The following ZHX3 variants were observed in gnomAD, a reference collection of about 807,000 sequenced individuals.
ZHX3 encodes the protein zinc fingers and homeoboxes protein 3.
A neutral mutation model predicts 64.5 loss-of-function variants in ZHX3; 20 were observed. That is an observed-to-expected ratio of 0.31 (90% CI 0.22 to 0.45). The LOEUF (loss-of-function observed/expected upper bound fraction) is 0.45. Ranked by LOEUF, ZHX3 falls within the 20% of genes least tolerant of loss-of-function variation. ZHX3 has a pLI of 1.00. For synonymous variants in ZHX3, 423 were observed against 461.6 expected (o/e 0.92, Z 1.07); for missense variants, 1,041 against 1,195.8 (o/e 0.87, Z 1.91).
intron 1 of ZHX3, among the ~76,000 whole-genome samples, chr20:41,306,688 C>G (rs575415418): frequency 6.6e-4 from 101 of 152,238 alleles, no homozygotes; most frequent in Non-Finnish European, 1.2e-3. Flanking sequence ...TATAGCATTG[C>G]CAAATATCTT....
intron 2 of ZHX3, among the ~76,000 whole-genome samples, chr20:41,207,316 G>A (rs1198723587): frequency 2.6e-5 from 4 of 151,958 alleles, no homozygotes; most frequent in Non-Finnish European, 5.9e-5. Context: ...AACCTTAAAT[G>A]TAAATGGGCT....
chr20:41,253,844 TC>T (rs2042106047), intron 2 of ZHX3, among the ~76,000 whole-genome samples: 1 of 152,054 alleles, frequency 6.6e-6, no homozygotes, highest in South Asian at 2.1e-4. Context: ...GAAAGCAAAA[TC>T]AGTAAAATAC....
At chr20:41,210,470 G>T (rs912173036) in intron 2 of ZHX3, among the ~76,000 whole-genome samples, 1 of 152,188 alleles carries the variant, frequency 6.6e-6, no homozygotes, top group African/African-American at 2.4e-5. Context: ...ATGATAGACT[G>T]GATTAAGAAA....
intron 1 of ZHX3, among the ~76,000 whole-genome samples, chr20:41,315,214 G>A (rs534379295): frequency 2.6e-5 from 4 of 152,150 alleles, no homozygotes; most frequent in African/African-American, 7.2e-5. Context: ...ACAGAGTCTC[G>A]CTCTGTCTCC....
intron 1 of ZHX3, among the ~76,000 whole-genome samples, chr20:41,294,992 C>A (rs912332902): frequency 1.3e-5 from 2 of 152,088 alleles, no homozygotes; most frequent in Non-Finnish European, 2.9e-5. Context: ...TGAGCCCCTG[C>A]GCCCAGCCCA....
rs577145447 is a variant in ZHX3 at position 41,224,184 on chromosome 20, A to G, written c.-150-19118T>C. 5.3e-5 allele frequency among the ~76,000 whole-genome samples: 8 copies of G among 152,356 alleles called. No homozygotes were observed. The highest frequency in any genetic ancestry group is 1.9e-4 in the African/African-American group (8 of 41,596). On this transcript the variant is annotated intron_variant, in intron 2 of 3. Coordinates refer to ENST00000683867, the MANE Select transcript of ZHX3 (RefSeq NM_001384317.1). The surrounding 1 kb of genome is among the most constrained non-coding windows in gnomAD (Gnocchi z 5.2). ...GCAGCAATCTGTTATCCAGTCTCCA[A>G]CTGAGTATCTCCCAAATGTGGGAGC... is the stretch of plus-strand genomic sequence containing the variant.
chr20:41,248,289 C>T (rs2041812932), intron 2 of ZHX3, among the ~76,000 whole-genome samples: 2 of 151,898 alleles, frequency 1.3e-5, no homozygotes, highest in African/African-American at 4.8e-5. Flanking sequence ...TGCACCTGTG[C>T]CTGTCATACA....
chr20:41,203,311 T>C lies in ZHX3; in HGVS notation c.1606A>G (p.Arg536Gly). ...TCACTGAACCATTTCCGCACCTCTC[T>C]GGTACTGAGGCCCGTCACTTTTGTG... is the stretch of plus-strand genomic sequence containing the variant. ...HLTKVTGLST[R>G]EVRKWFSDRR... Residue 536 changes from arginine (R) to glycine (G), a missense_variant, in exon 3 of 4, where the codon AGA (arginine) becomes GGA (glycine). Transcript: ENST00000683867. This position sits in a 1 kb window ranked among gnomAD's most constrained non-coding sequence, Gnocchi z 7.1. The C allele has an allele frequency of 2.5e-6, 4 of 1,614,174 alleles. No individual in the cohort carries two copies. Among genetic ancestry groups the C allele is most frequent in the Non-Finnish European group, 3.4e-6 (4 of 1,180,014 alleles).
chr20:41,203,150 C>A lies in ZHX3; in HGVS notation c.1767G>T (p.Pro589=), dbSNP rs201006670. The change falls in exon 3 of 4, where the codon CCG becomes CCT. Residue 589 remains proline, a synonymous_variant. Transcript: ENST00000683867. This position sits in a 1 kb window ranked among gnomAD's most constrained non-coding sequence, Gnocchi z 7.1. ...GGTGGGTTGCTAGTGTGGCTGTTGT[C>A]GGAATGCAGGTTACCTCAGGGACCT... is the stretch of plus-strand genomic sequence containing the variant. ...SSKVPEVTCI[P]TTATLATHPS... 3.1e-6 allele frequency: 5 copies of A among 1,613,898 alleles called. No homozygotes were observed. In the South Asian group the frequency reaches 5.5e-5, roughly 18 times the overall value.
Position 41,203,202 on chromosome 20 carries a change from G to A in ZHX3, c.1715C>T (p.Pro572Leu), listed in dbSNP as rs1366873217. 6.2e-7 allele frequency: 1 copy of A among 1,614,022 alleles called. No individual in the cohort carries two copies. Among genetic ancestry groups the A allele is most frequent in the Non-Finnish European group, 8.5e-7 (1 of 1,180,028 alleles). ...GGACGATGGGGAGAAGGACACCTCT[G>A]GCACAGAGTCAATGATGATGGAACT... Reference protein sequence around the residue: ...DHSSIIIDSVPEVSFSPSSKV... With the variant: ...DHSSIIIDSVLEVSFSPSSKV... Residue 572 changes from proline (P) to leucine (L), a missense_variant, in exon 3 of 4, where the codon CCA (proline) becomes CTA (leucine). Physicochemically the swap from Pro to Leu is moderately conservative, Grantham distance 98. Around this residue, in one of 4 missense-constraint regions of ZHX3, gnomAD observed 649 missense variants for 739.8 expected, o/e 0.88. Coordinates refer to ENST00000683867, the MANE Select transcript of ZHX3 (RefSeq NM_001384317.1). This position sits in a 1 kb window ranked among gnomAD's most constrained non-coding sequence, Gnocchi z 7.1.
chr20:41,220,859 AT>A (rs1228875003), intron 2 of ZHX3, among the ~76,000 whole-genome samples: 7 of 146,798 alleles, frequency 4.8e-5, no homozygotes, highest in East Asian at 2.0e-4. Flanking sequence ...ATGCCCAGCT[AT>A]TTTTTTTTTG....
rs2036290839 is a variant in ZHX3 at position 41,182,673 on chromosome 20, G to A, written c.*2518C>T. 6.6e-6 allele frequency: 1 copy of A among 152,264 alleles called. No homozygotes were observed. Among genetic ancestry groups the A allele is most frequent in the Non-Finnish European group, 1.5e-5 (1 of 68,070 alleles). The allele number at this position is 152,264 out of a possible 1,614,324, so 9.4% of individuals were successfully genotyped here. A position where few individuals can be genotyped will look rare whatever the true frequency, so the allele number is the denominator to read the frequency against. On this transcript the variant is annotated 3_prime_UTR_variant, in exon 4 of 4. Coordinates refer to ENST00000683867, the MANE Select transcript of ZHX3 (RefSeq NM_001384317.1). The surrounding 1 kb of genome is among the most constrained non-coding windows in gnomAD (Gnocchi z 6.1). ...CTCTCATCCAACAGCAGAGGAAGAA[G>A]GATCTGTCCAGACTGCTGGGCTCCT...
rs1297634821 is a variant in ZHX3 at position 41,185,235 on chromosome 20, C to T, written c.2861-34G>A. 6.3e-7 allele frequency: 1 copy of T among 1,575,828 alleles called. No homozygotes were observed. ...AAAACACATGCCTGTCACTCTACGG[C>T]AGCTGCCACCACCTGCCCCCCAGGC... On this transcript the variant is annotated intron_variant, in intron 3 of 3. Coordinates refer to ENST00000683867, the MANE Select transcript of ZHX3 (RefSeq NM_001384317.1). This position sits in a 1 kb window ranked among gnomAD's most constrained non-coding sequence, Gnocchi z 5.0.
intron 2 of ZHX3, among the ~76,000 whole-genome samples, chr20:41,237,555 T>C (rs540856252): frequency 1.3e-5 from 2 of 152,104 alleles, no homozygotes; most frequent in Admixed American, 6.5e-5. Context: ...TAGGTGGGAA[T>C]TGAACAATGA....
chr20:41,280,000 T>A (rs988790443), intron 1 of ZHX3, among the ~76,000 whole-genome samples: 1 of 152,222 alleles, frequency 6.6e-6, no homozygotes, highest in Admixed American at 6.5e-5. Flanking sequence ...TGAGAACAGC[T>A]CTCTGTAATA....
Position 41,185,279 on chromosome 20 carries a change from C to T in ZHX3, c.2861-78G>A. On this transcript the variant is annotated intron_variant, in intron 3 of 3. Transcript: ENST00000683867. The surrounding 1 kb of genome is among the most constrained non-coding windows in gnomAD (Gnocchi z 5.0). ...CCCAGGCAGCCTGGTCCTTGCTATA[C>T]CAGGGTGGCATCACTGGCTTTGAGG... The T allele has an allele frequency of 6.7e-7, 1 of 1,498,986 alleles. No individual in the cohort carries two copies. The highest frequency in any genetic ancestry group is 9.0e-7 in the Non-Finnish European group (1 of 1,115,054). 92.9% of individuals were successfully genotyped at this position (1,498,986 alleles called of 1,614,324 possible). A position where few individuals can be genotyped will look rare whatever the true frequency, so the allele number is the denominator to read the frequency against.
At chr20:41,249,650 T>C (rs910880022) in intron 2 of ZHX3, among the ~76,000 whole-genome samples, 1 of 152,172 alleles carries the variant, frequency 6.6e-6, no homozygotes, top group African/African-American at 2.4e-5. Flanking sequence ...CTACTCACCA[T>C]TTAAAACAAT....
chr20:41,305,304 G>A (rs1011767674), intron 1 of ZHX3, among the ~76,000 whole-genome samples: 47 of 152,164 alleles, frequency 3.1e-4, no homozygotes, highest in African/African-American at 1.1e-3. Flanking sequence ...TGGATTGCTT[G>A]ATCCCAGGTG....
intron 3 of ZHX3, chr20:41,197,154 C>A (rs1035060520): frequency 4.7e-6 from 1 of 211,998 alleles, no homozygotes; most frequent in South Asian, 8.8e-5. Flanking sequence ...AAACTGGGAT[C>A]ATCTTGGCTG....
Sources: gnomAD v4.1 joint callset for allele counts (sites outside exome capture counted in the v4.1 genomes callset) on GRCh38, gnomAD v4.1.1 for gene constraint, gnomAD v4.1.1 regional missense constraint, Gnocchi (gnomAD v3.1) non-coding constraint, MANE v1.5 for transcripts, NCBI Gene and HGNC (gene_info 2026-07-23, HGNC 2026-07-21) for gene names.